The following NELL1 variants were observed in gnomAD, a reference collection of about 807,000 sequenced individuals.
The protein encoded by NELL1 is protein kinase C-binding protein NELL1.
In NELL1, 76 loss-of-function variants were observed where a neutral mutation model predicts 107.4. The observed-to-expected ratio is 0.71, with a 90% confidence interval of 0.59 to 0.86. The LOEUF (loss-of-function observed/expected upper bound fraction) is 0.86, where lower values mean the gene tolerates loss of function less well. Among genes scored for constraint, NELL1 ranks in the 40% least tolerant of loss-of-function variants. NELL1 has a pLI of 0.00. For missense variants in NELL1, 1,024 were observed against 1,005.5 expected, an observed-to-expected ratio of 1.02 and a Z score of -0.25; for synonymous variants, 353 against 341.2, an observed-to-expected ratio of 1.03 and a Z score of -0.38.
At chr11:21,053,647 C>T (rs191040378) in intron 12 of NELL1, among the ~76,000 whole-genome samples, 1 of 152,130 alleles carries the variant, frequency 6.6e-6, no homozygotes, top group Non-Finnish European at 1.5e-5. Context: ...AGGGAAAAAA[C>T]CATCAGCTTT....
intron 15 of NELL1, among the ~76,000 whole-genome samples, chr11:21,498,518 T>C (rs1317531280): frequency 6.6e-6 from 1 of 151,630 alleles, no homozygotes; most frequent in African/African-American, 2.4e-5. Context: ...TATATAGTAT[T>C]CTATTTGAAG....
chr11:21,505,918 A>G (rs1021082718), intron 15 of NELL1, among the ~76,000 whole-genome samples: 1 of 152,184 alleles, frequency 6.6e-6, no homozygotes, highest in Non-Finnish European at 1.5e-5. Context: ...ATGATTGATG[A>G]ATGAATGGAA....
intron 12 of NELL1, among the ~76,000 whole-genome samples, chr11:20,960,838 C>G (rs947042551): frequency 3.3e-5 from 5 of 152,126 alleles, no homozygotes; most frequent in Non-Finnish European, 5.9e-5. Flanking sequence ...GTGCACATAA[C>G]AATCACTAGA....
At chr11:21,244,176 A>G (rs1364299619) in intron 14 of NELL1, among the ~76,000 whole-genome samples, 6 of 152,206 alleles carry the variant, frequency 3.9e-5, no homozygotes, top group Non-Finnish European at 8.8e-5. Flanking sequence ...ATAAGAGAGT[A>G]GGAGAAAAAA....
At chr11:20,716,324 C>T (rs912031530) in intron 2 of NELL1, among the ~76,000 whole-genome samples, 15 of 152,358 alleles carry the variant, frequency 9.8e-5, no homozygotes, top group African/African-American at 3.6e-4. Context: ...TGACAAGGAA[C>T]TATTTTACAA....
At chr11:20,682,016 T>G (rs1007510519) in intron 2 of NELL1, among the ~76,000 whole-genome samples, 3 of 152,140 alleles carry the variant, frequency 2.0e-5, no homozygotes, top group South Asian at 4.1e-4. Flanking sequence ...CATCTCAAGA[T>G]TCATAATTTA....
chr11:21,223,734 T>C (rs1370128411), intron 13 of NELL1, among the ~76,000 whole-genome samples: 1 of 152,218 alleles, frequency 6.6e-6, no homozygotes, highest in Non-Finnish European at 1.5e-5. Flanking sequence ...GTTTATCTGC[T>C]CTACCAGTGA....
At chr11:20,781,015 G>A (rs1046348452) in intron 2 of NELL1, among the ~76,000 whole-genome samples, 1 of 152,182 alleles carries the variant, frequency 6.6e-6, no homozygotes, top group Non-Finnish European at 1.5e-5. Flanking sequence ...CTCGGACTTA[G>A]GGTTTAAAAA....
At chr11:21,308,065 G>T (rs1849646755) in intron 14 of NELL1, among the ~76,000 whole-genome samples, 1 of 152,002 alleles carries the variant, frequency 6.6e-6, no homozygotes, top group South Asian at 2.1e-4. Flanking sequence ...CTCTAGGTTG[G>T]AACGCCGGCT....
intron 15 of NELL1, among the ~76,000 whole-genome samples, chr11:21,477,333 C>CAGAG (rs368610675): frequency 5.9e-5 from 9 of 151,286 alleles, no homozygotes; most frequent in African/African-American, 2.2e-4. Flanking sequence ...GAGCTTAGCA[C>CAGAG]AGAGAGAGAG....
chr11:21,134,161 G>A (rs1314234696), intron 13 of NELL1, among the ~76,000 whole-genome samples: 1 of 152,212 alleles, frequency 6.6e-6, no homozygotes, highest in African/African-American at 2.4e-5. Flanking sequence ...AAGTGAGAGT[G>A]GAGACTTCTG....
chr11:21,116,435 G>A (rs926744740), intron 13 of NELL1, among the ~76,000 whole-genome samples: 14 of 151,896 alleles, frequency 9.2e-5, no homozygotes, highest in Non-Finnish European at 1.5e-5. Flanking sequence ...ACTCCTAAAT[G>A]TATCGCTCCA....
At position 21,002,275 on chromosome 11, in the gene NELL1, G is replaced by A. The variant is rs554446051; in HGVS notation, c.1300+41715G>A. Among the ~76,000 whole-genome samples, 22 of 63,972 alleles carry A rather than the reference G, an allele frequency of 3.4e-4. No individual in the cohort carries two copies. In the African/African-American group the frequency reaches 3.8e-3, roughly 11 times the overall value. The allele number at this position is 63,972 out of a possible 152,430, so 42.0% of individuals were successfully genotyped here. A position where few individuals can be genotyped will look rare whatever the true frequency, so the allele number is the denominator to read the frequency against. On this transcript the variant is annotated intron_variant, in intron 12 of 19. Coordinates refer to ENST00000357134, the MANE Select transcript of NELL1 (RefSeq NM_006157.5). ...TTTAGACTAGAAGAATATCAAAGCT[G>A]AGCAAGAATATATTATAACAGTTAC...
At chr11:21,033,980 T>C (rs916472461) in intron 12 of NELL1, among the ~76,000 whole-genome samples, 4 of 152,222 alleles carry the variant, frequency 2.6e-5, no homozygotes, top group Non-Finnish European at 5.9e-5. Flanking sequence ...TTTGCATTTC[T>C]TTAATGATCA....
Position 20,975,967 on chromosome 11 carries a change from TTA to T in NELL1, c.1300+15415_1300+15416del, listed in dbSNP as rs888544317. Among the ~76,000 whole-genome samples the T allele has an allele frequency of 1.6e-3, 158 of 99,188 alleles. 4 individuals are homozygous for T. The highest frequency in any genetic ancestry group is 2.1e-3 in the Non-Finnish European group (110 of 51,636). 65.1% of individuals were successfully genotyped at this position (99,188 alleles called of 152,430 possible). ...TACATATATGTACATTATATATACA[TTA>T]TATATATTATATCTGTACATATATG... On this transcript the variant is annotated intron_variant, in intron 12 of 19. Transcript: ENST00000357134.
rs111244211 is a variant in NELL1, at chr11:21,379,999, C to T, written c.1645+9051C>T. On this transcript the variant is annotated intron_variant, in intron 15 of 19. Transcript: ENST00000357134. ...CATAACAGAGAATACAATATTTATT[C>T]TATTTCCTCTCCAGTTATCACAGGA... Among the ~76,000 whole-genome samples the T allele has an allele frequency of 7.7e-4, 117 of 152,202 alleles. 1 individual carries two copies. The highest frequency in any genetic ancestry group is 2.7e-3 in the African/African-American group (112 of 41,574).
At chr11:20,701,705 C>A (rs1854793522) in intron 2 of NELL1, among the ~76,000 whole-genome samples, 1 of 152,118 alleles carries the variant, frequency 6.6e-6, no homozygotes, top group Non-Finnish European at 1.5e-5. Flanking sequence ...AGGAAGGGAT[C>A]CAGTTTCAGC....
chr11:21,095,875 G>T (rs1449643451), intron 12 of NELL1, among the ~76,000 whole-genome samples: 1 of 152,198 alleles, frequency 6.6e-6, no homozygotes, highest in Non-Finnish European at 1.5e-5. Flanking sequence ...CTCCCAAAAT[G>T]CTGGGATTAT....
At chr11:20,721,857 T>A (rs1044372453) in intron 2 of NELL1, among the ~76,000 whole-genome samples, 2 of 152,134 alleles carry the variant, frequency 1.3e-5, no homozygotes, top group African/African-American at 4.8e-5. Context: ...CTATCCTTTA[T>A]CAGATGCTTA....
Sources: gnomAD v4.1 joint callset for allele counts (sites outside exome capture counted in the v4.1 genomes callset) on GRCh38, gnomAD v4.1.1 for gene constraint, MANE v1.5 for transcripts, NCBI Gene and HGNC (gene_info 2026-07-23, HGNC 2026-07-21) for gene names.